UGT2A3: variants seen among roughly 807,000 people sequenced by gnomAD.
UGT2A3 encodes UDP-glucuronosyltransferase 2A3.
A neutral mutation model predicts 44.1 loss-of-function variants in UGT2A3; 55 were observed. The ratio of observed to expected loss-of-function variants is 1.25; its 90% CI spans 1.00 to 1.56. The LOEUF (loss-of-function observed/expected upper bound fraction) is 1.56. Ranked by LOEUF, UGT2A3 falls within the 40% of genes most tolerant of loss-of-function variation. The probability of loss-of-function intolerance (pLI) is 0.00; values close to 1 mark genes in which losing one functional copy is unlikely to be tolerated. For missense variants in UGT2A3, 733 were observed against 621.6 expected, an observed-to-expected ratio of 1.18 and a Z score of -1.91; for synonymous variants, 243 against 215.1, an observed-to-expected ratio of 1.13 and a Z score of -1.13.
Position 68,929,658 on chromosome 4 carries a change from T to C in UGT2A3, c.*155A>G. ...AGGAAAATACAACGAAAGAATGAGATATACTCACAACCTCATGATCGTGGA... is the reference window on the plus strand; with the variant it reads ...AGGAAAATACAACGAAAGAATGAGACATACTCACAACCTCATGATCGTGGA... On this transcript the variant is annotated 3_prime_UTR_variant, in exon 6 of 6. Transcript: ENST00000251566. 1.5e-6 allele frequency: 1 copy of C among 662,748 alleles called. No homozygotes were observed. 41.1% of individuals were successfully genotyped at this position (662,748 alleles called of 1,614,324 possible). A position where few individuals can be genotyped will look rare whatever the true frequency, so the allele number is the denominator to read the frequency against.
intron 1 of UGT2A3, among the ~76,000 whole-genome samples, chr4:68,950,045 C>T (rs998822169): frequency 4.0e-5 from 6 of 151,734 alleles, no homozygotes; most frequent in African/African-American, 1.5e-4. Flanking sequence ...TACTATAATC[C>T]TATTTTACCA....
intron 2 of UGT2A3, among the ~76,000 whole-genome samples, chr4:68,938,042 A>T (rs1718022387): frequency 6.6e-6 from 1 of 152,030 alleles, no homozygotes; most frequent in South Asian, 2.1e-4. Context: ...GAACAATAAC[A>T]GCCTCAGAAA....
chr4:68,938,076 C>T (rs1055700439), intron 2 of UGT2A3, among the ~76,000 whole-genome samples: 2 of 147,712 alleles, frequency 1.4e-5, no homozygotes, highest in East Asian at 2.0e-4. Context: ...ATCCTACAAA[C>T]CAAAAAAAGT....
intron 2 of UGT2A3, among the ~76,000 whole-genome samples, chr4:68,937,896 A>G (rs538724192): frequency 5.3e-5 from 8 of 152,290 alleles, no homozygotes; most frequent in Non-Finnish European, 7.4e-5. Context: ...CTGTTCACAC[A>G]GAAATACAAA....
At chr4:68,935,276 G>GTATA (rs57286694) in intron 2 of UGT2A3, among the ~76,000 whole-genome samples, 5,666 of 58,292 alleles carry the variant, frequency 0.097, 385 homozygotes, top group Non-Finnish European at 0.12. Context: ...ATGTATGTAT[G>GTATA]TATATATATA....
At chr4:68,948,439 C>CT (rs60082800) in intron 1 of UGT2A3, among the ~76,000 whole-genome samples, 62,467 of 110,302 alleles carry the variant, frequency 0.57, 18,488 homozygotes, top group Non-Finnish European at 0.64. Flanking sequence ...TCTTTTTTTT[C>CT]TTTTTTTTTT....
rs1718266038 is a variant in UGT2A3, at chr4:68,943,344, G to T, written c.864+1962C>A. On this transcript the variant is annotated intron_variant, in intron 2 of 5. Coordinates refer to ENST00000251566, the MANE Select transcript of UGT2A3 (RefSeq NM_024743.4). ...TTTCTATTTTAGATACAGATGCCAT[G>T]GCTTAAGAGAGCTTGGTTTTCTGGT... 4 of 1,267,046 alleles carry T rather than the reference G, an allele frequency of 3.2e-6. No individual in the cohort carries two copies. In the African/African-American group the frequency reaches 4.7e-5, roughly 15 times the overall value. 78.5% of individuals were successfully genotyped at this position (1,267,046 alleles called of 1,614,324 possible).
In UGT2A3 at chr4:68,931,207, T is replaced by C; in HGVS notation, c.1032A>G (p.Thr344=). 6.8e-6 allele frequency: 11 copies of C among 1,613,024 alleles called. No homozygotes were observed. The highest frequency in any genetic ancestry group is 9.3e-6 in the Non-Finnish European group (11 of 1,179,366). Residue 344 remains threonine (T), a synonymous_variant, in exon 4 of 6, where the codon ACA becomes ACG. Coordinates refer to ENST00000251566, the MANE Select transcript of UGT2A3 (RefSeq NM_024743.4). ...LWRYKGKKPS[T]LGANTRLYDW... ...CATACAGCCGAGTATTGGCTCCTAATGTGGATGGTTTTTTTCCTTTGTACC... is the reference window on the plus strand; with the variant it reads ...CATACAGCCGAGTATTGGCTCCTAACGTGGATGGTTTTTTTCCTTTGTACC...
rs3071533 is a variant in UGT2A3, at chr4:68,942,319, A to ATCTCTC, written c.864+2981_864+2986dup. ...GATATATATACACACATTTGAAAAT[A>ATCTCTC]TCTCTCTCTCTCTCTCTCTCTATAT... On this transcript the variant is annotated intron_variant, in intron 2 of 5. Transcript: ENST00000251566. Among the ~76,000 whole-genome samples the ATCTCTC allele has an allele frequency of 5.7e-3, 835 of 146,002 alleles. 7 individuals carry two copies. The highest frequency in any genetic ancestry group is 0.017 in the Admixed American group (240 of 14,322).
chr4:68,935,272 GTATGTATATATATATATATATATA>G (rs1365124791), intron 2 of UGT2A3, among the ~76,000 whole-genome samples: 7,986 of 89,296 alleles, frequency 0.089, 739 homozygotes, highest in African/African-American at 0.24. Context: ...ATGTATGTAT[GTATGTATATATATATATATATATA>G]TATATATATA....
rs116267724 is a variant in UGT2A3 at position 68,951,787 on chromosome 4, T to A, written c.-27A>T. ...ATGGCAGTTCCCTCACACACTGATC[T>A]GCAATGGTTTTGTAGTTACTAAGCA... is the stretch of plus-strand genomic sequence containing the variant. On this transcript the variant is annotated 5_prime_UTR_variant, in exon 1 of 6. Transcript: ENST00000251566. The A allele has an allele frequency of 6.5e-3, 9,785 of 1,511,106 alleles. 49 individuals are homozygous for A. Among genetic ancestry groups the A allele is most frequent in the Middle Eastern group, 0.017 (95 of 5,630 alleles). 93.6% of individuals were successfully genotyped at this position (1,511,106 alleles called of 1,614,324 possible).
At chr4:68,945,732 G>A (rs1427138608) in intron 1 of UGT2A3, among the ~76,000 whole-genome samples, 1 of 69,440 alleles carries the variant, frequency 1.4e-5, no homozygotes, top group Non-Finnish European at 5.1e-5. Flanking sequence ...AGGAAGGAAG[G>A]AAAGAAGGAA....
Position 68,932,767 on chromosome 4 carries a change from T to C in UGT2A3, c.865-8A>G, listed in dbSNP as rs1577845075. On this transcript the variant is annotated splice_region_variant and splice_polypyrimidine_tract_variant and intron_variant, in intron 2 of 5. Transcript: ENST00000251566. ...GACAAAATTTTCCATTTCCTGAAGATAAAAATTTATCTGCATTACAGAGGC... is the reference window on the plus strand; with the variant it reads ...GACAAAATTTTCCATTTCCTGAAGACAAAAATTTATCTGCATTACAGAGGC... 2 of 1,605,534 alleles carry C rather than the reference T, an allele frequency of 1.2e-6. No homozygotes were observed. The highest frequency in any genetic ancestry group is 4.5e-5 in the East Asian group (2 of 44,736).
intron 2 of UGT2A3, among the ~76,000 whole-genome samples, chr4:68,940,406 G>A (rs1718141491): frequency 6.6e-6 from 1 of 152,048 alleles, no homozygotes; most frequent in Non-Finnish European, 1.5e-5. Context: ...GAGGGACATG[G>A]ATGAAGCTGA....
chr4:68,942,478 T>G (rs965243495), intron 2 of UGT2A3, among the ~76,000 whole-genome samples: 1 of 144,738 alleles, frequency 6.9e-6, no homozygotes, highest in African/African-American at 2.5e-5. Context: ...ATTAACTTTT[T>G]TATAGCTCAA....
chr4:68,939,833 A>G (rs1718118135), intron 2 of UGT2A3, among the ~76,000 whole-genome samples: 1 of 152,196 alleles, frequency 6.6e-6, no homozygotes, highest in Admixed American at 6.6e-5. Context: ...TCTACAATGA[A>G]CTTAAACAAA....
rs779594777 is a variant in UGT2A3, at chr4:68,932,617, G to A, written c.996+11C>T. 4 of 1,600,134 alleles carry A rather than the reference G, an allele frequency of 2.5e-6. No homozygotes were observed. In the South Asian group the frequency reaches 4.5e-5, roughly 18 times the overall value. On this transcript the variant is annotated intron_variant, in intron 3 of 5. Transcript: ENST00000251566. Reference sequence around the variant, plus strand: ...GAATAGCTGCTTATCAGGATTGGAGGTTTTACTGACCTTCTGTGGGATCTG... The same window carrying A: ...GAATAGCTGCTTATCAGGATTGGAGATTTTACTGACCTTCTGTGGGATCTG...
At position 68,930,209 on chromosome 4, in the gene UGT2A3, G is replaced by C. The variant is rs956646113; in HGVS notation, c.1305-117C>G. The C allele has an allele frequency of 1.3e-5, 15 of 1,181,698 alleles. No homozygotes were observed. In the African/African-American group the frequency reaches 2.3e-4, roughly 18 times the overall value. 73.2% of individuals were successfully genotyped at this position (1,181,698 alleles called of 1,614,324 possible). On this transcript the variant is annotated intron_variant, in intron 5 of 5. Coordinates refer to ENST00000251566, the MANE Select transcript of UGT2A3 (RefSeq NM_024743.4). The stretch of plus-strand genomic sequence containing the variant: ...CCAAGAACATGTTCAGTAAAAGATT[G>C]ATTCTGGTTGTGACATGAATATTGT...
In UGT2A3 at chr4:68,943,343, T is replaced by C. The variant is rs1438986396; in HGVS notation, c.864+1963A>G. ...ATTTCTATTTTAGATACAGATGCCA[T>C]GGCTTAAGAGAGCTTGGTTTTCTGG... On this transcript the variant is annotated intron_variant, in intron 2 of 5. Coordinates refer to ENST00000251566, the MANE Select transcript of UGT2A3 (RefSeq NM_024743.4). 8 of 1,271,544 alleles carry C rather than the reference T, an allele frequency of 6.3e-6. No individual in the cohort carries two copies. In the East Asian group the frequency reaches 2.4e-4, roughly 38 times the overall value. 78.8% of individuals were successfully genotyped at this position (1,271,544 alleles called of 1,614,324 possible).
Sources: gnomAD v4.1 joint callset for allele counts (sites outside exome capture counted in the v4.1 genomes callset) on GRCh38, gnomAD v4.1.1 for gene constraint, MANE v1.5 for transcripts, NCBI Gene and HGNC (gene_info 2026-07-23, HGNC 2026-07-21) for gene names.